KATNAL1: variants seen among roughly 807,000 people sequenced by gnomAD.
KATNAL1 encodes katanin p60 ATPase-containing subunit A-like 1.
Under a neutral mutation model 55.2 loss-of-function variants are expected in KATNAL1, and 32 were observed. The ratio of observed to expected loss-of-function variants is 0.58; its 90% CI spans 0.44 to 0.78. KATNAL1 has a LOEUF of 0.78. Among genes scored for constraint, KATNAL1 ranks in the 30% least tolerant of loss-of-function variants. KATNAL1 has a pLI of 0.00. For synonymous variants in KATNAL1, 193 were observed against 193.6 expected (o/e 1.00, Z 0.02); for missense variants, 466 against 600.9 (o/e 0.78, Z 2.35).
chr13:30,207,225 T>C lies in KATNAL1; in HGVS notation c.*1315A>G, dbSNP rs997458087. ...ATGAGACACATGTAATCATAAAAAC[T>C]AACGCCAGGATCATTTACTTGTGAT... On this transcript the variant is annotated 3_prime_UTR_variant, in exon 11 of 11. Transcript: ENST00000380615. The C allele has an allele frequency of 6.6e-6, 1 of 152,250 alleles. No homozygotes were observed. The highest frequency in any genetic ancestry group is 6.5e-5 in the Admixed American group (1 of 15,276). 9.4% of individuals were successfully genotyped at this position (152,250 alleles called of 1,614,324 possible). A position where few individuals can be genotyped will look rare whatever the true frequency, so the allele number is the denominator to read the frequency against.
chr13:30,256,797 G>A (rs922004915), intron 3 of KATNAL1, among the ~76,000 whole-genome samples: 5 of 152,080 alleles, frequency 3.3e-5, no homozygotes, highest in African/African-American at 1.2e-4. Flanking sequence ...CTAGAAGGCC[G>A]GCAAAAACCG....
chr13:30,259,665 G>T (rs765162788), intron 3 of KATNAL1, among the ~76,000 whole-genome samples: 26 of 152,164 alleles, frequency 1.7e-4, no homozygotes, highest in South Asian at 4.1e-4. Flanking sequence ...CTTTTCTGAC[G>T]GTCTTAAAAA....
At position 30,202,830 on chromosome 13, in the gene KATNAL1, A is replaced by G. The variant is rs1872810187; in HGVS notation, c.*5710T>C. 6.6e-6 allele frequency: 1 copy of G among 152,230 alleles called. No homozygotes were observed. The highest frequency in any genetic ancestry group is 1.9e-4 in the East Asian group (1 of 5,196). The allele number at this position is 152,230 out of a possible 1,614,324, so 9.4% of individuals were successfully genotyped here. A position where few individuals can be genotyped will look rare whatever the true frequency, so the allele number is the denominator to read the frequency against. On this transcript the variant is annotated 3_prime_UTR_variant, in exon 11 of 11. Transcript: ENST00000380615. ...AAACAAAAGTCTTAACAACGCACTT[A>G]CAAGCCATCATAACATGCAGTGATC...
chr13:30,251,268 C>T (rs925849609), intron 4 of KATNAL1, among the ~76,000 whole-genome samples: 5 of 150,966 alleles, frequency 3.3e-5, no homozygotes, highest in African/African-American at 1.2e-4. Flanking sequence ...AAAATCCTTT[C>T]GTTACTTCTA....
chr13:30,259,556 T>C lies in KATNAL1; in HGVS notation c.324-3941A>G, dbSNP rs537787439. ...GAAGCAGGGCAAGGCATTGCCTCAC[T>C]CGGGAAGAGCGAGGGGTCAGGGAGT... is the stretch of plus-strand genomic sequence containing the variant. On this transcript the variant is annotated intron_variant, in intron 3 of 10. Coordinates refer to ENST00000380615, the MANE Select transcript of KATNAL1 (RefSeq NM_032116.5). 3.0e-3 allele frequency among the ~76,000 whole-genome samples: 458 copies of C among 152,252 alleles called. 1 individual carries two copies. Among genetic ancestry groups the C allele is most frequent in the African/African-American group, 0.011 (442 of 41,554 alleles).
chr13:30,244,749 C>T (rs1877615698), intron 4 of KATNAL1, among the ~76,000 whole-genome samples: 1 of 152,004 alleles, frequency 6.6e-6, no homozygotes. Context: ...TACAAACTAC[C>T]ATCAGAGAAT....
chr13:30,258,162 C>T (rs1471269114), intron 3 of KATNAL1, among the ~76,000 whole-genome samples: 2 of 152,222 alleles, frequency 1.3e-5, no homozygotes, highest in Non-Finnish European at 2.9e-5. Context: ...TAGAGAATAA[C>T]TGGTTAGATC....
At chr13:30,251,792 C>T (rs1027001689) in intron 4 of KATNAL1, among the ~76,000 whole-genome samples, 1 of 152,176 alleles carries the variant, frequency 6.6e-6, no homozygotes, top group Non-Finnish European at 1.5e-5. Flanking sequence ...AGAAGTATTA[C>T]TGACACAAAT....
intron 9 of KATNAL1, among the ~76,000 whole-genome samples, chr13:30,221,310 G>A (rs564289378): frequency 6.6e-6 from 1 of 152,190 alleles, no homozygotes. Flanking sequence ...AAAGAAAACT[G>A]TTTGCATGTA....
chr13:30,205,497 TC>T lies in KATNAL1; in HGVS notation c.*3042del, dbSNP rs1329822607. ...AGGAATTAAAGGAGCCAAATATTTT[TC>T]CTTTGATAATGCATCTGCTACCGCA... On this transcript the variant is annotated 3_prime_UTR_variant, in exon 11 of 11. Coordinates refer to ENST00000380615, the MANE Select transcript of KATNAL1 (RefSeq NM_032116.5). 1 of 152,266 alleles carries T rather than the reference TC, an allele frequency of 6.6e-6. No individual in the cohort carries two copies. Among genetic ancestry groups the T allele is most frequent in the East Asian group, 1.9e-4 (1 of 5,208 alleles). The allele number at this position is 152,266 out of a possible 1,614,324, so 9.4% of individuals were successfully genotyped here.
intron 9 of KATNAL1, 24 bp from the exon 10 acceptor site, chr13:30,210,466 T>C: frequency 6.3e-7 from 1 of 1,581,850 alleles, no homozygotes; most frequent in Non-Finnish European, 8.6e-7. Context: ...TTGGTGGTGT[T>C]GTTAGATGTT....
intron 1 of KATNAL1, among the ~76,000 whole-genome samples, chr13:30,298,215 T>C (rs1882644369): frequency 6.6e-6 from 1 of 152,202 alleles, no homozygotes; most frequent in South Asian, 2.1e-4. Flanking sequence ...ACAGTATCTC[T>C]CAAGTATGCC....
intron 2 of KATNAL1, among the ~76,000 whole-genome samples, chr13:30,282,371 C>T (rs7330752): frequency 0.039 from 6,006 of 152,244 alleles, 163 homozygotes; most frequent in African/African-American, 0.064. Context: ...AGCACAGTGG[C>T]TCACACATGT....
rs890200577 is a variant in KATNAL1 at position 30,227,468 on chromosome 13, A to G, written c.1091T>C (p.Ile364Thr). ...TAACCTTCTTCGCAAAGCTTCATCA[A>G]TGTCCCACGGGAAATTAGTAGCAGC... ...VLAATNFPWDIDEALRRRLEK... is the reference protein window; with the variant it reads ...VLAATNFPWDTDEALRRRLEK... Residue 364 changes from isoleucine (I) to threonine (T), a missense_variant, in exon 9 of 11, where the codon ATT becomes ACT. Physicochemically the swap from Ile to Thr is moderately conservative, Grantham distance 89 (BLOSUM62 -1). Transcript: ENST00000380615. The G allele has an allele frequency of 1.9e-6, 3 of 1,613,954 alleles. No homozygotes were observed. Among genetic ancestry groups the G allele is most frequent in the Admixed American group, 1.7e-5 (1 of 60,022 alleles).
chr13:30,233,279 A>G (rs1343375620), intron 6 of KATNAL1, among the ~76,000 whole-genome samples: 2 of 152,204 alleles, frequency 1.3e-5, no homozygotes, highest in South Asian at 2.1e-4. Flanking sequence ...AAATAATCCA[A>G]TTTTAAAATG....
chr13:30,285,622 T>C lies in KATNAL1; in HGVS notation c.-14-1831A>G, dbSNP rs149863372. On this transcript the variant is annotated intron_variant, in intron 1 of 10. Coordinates refer to ENST00000380615, the MANE Select transcript of KATNAL1 (RefSeq NM_032116.5). Reference sequence around the variant, plus strand: ...TCACAGCAGTGTGAGAAAGGACTAATACAGTAGACTAGTACCAGGAGTGGT... The same window carrying C: ...TCACAGCAGTGTGAGAAAGGACTAACACAGTAGACTAGTACCAGGAGTGGT... Among the ~76,000 whole-genome samples, 47 of 152,338 alleles carry C rather than the reference T, an allele frequency of 3.1e-4. 2 individuals are homozygous for C. The East Asian group carries it at 8.7e-3, about 28-fold the overall frequency.
chr13:30,241,689 A>G (rs1298085734), intron 4 of KATNAL1, among the ~76,000 whole-genome samples: 1 of 152,196 alleles, frequency 6.6e-6, no homozygotes, highest in Admixed American at 6.5e-5. Context: ...TGCCTAGAGT[A>G]AAAACAAAAC....
At chr13:30,225,358 T>C (rs747865967) in intron 9 of KATNAL1, among the ~76,000 whole-genome samples, 26 of 152,034 alleles carry the variant, frequency 1.7e-4, no homozygotes, top group Non-Finnish European at 3.7e-4. Context: ...GCTTCCACAT[T>C]CACATTAGGT....
chr13:30,208,263 C>T lies in KATNAL1; in HGVS notation c.*277G>A, dbSNP rs906182878. 68 of 296,078 alleles carry T rather than the reference C, an allele frequency of 2.3e-4. No individual in the cohort carries two copies. In the East Asian group the frequency reaches 3.8e-3, roughly 17 times the overall value. 18.3% of individuals were successfully genotyped at this position (296,078 alleles called of 1,614,324 possible). On this transcript the variant is annotated 3_prime_UTR_variant, in exon 11 of 11. Transcript: ENST00000380615. ...TGTATTCCTAAAATATCACACTGCG[C>T]CCTTGCTTCAGCCTCCCTGATAGAC...
Sources: gnomAD v4.1 joint callset for allele counts (sites outside exome capture counted in the v4.1 genomes callset) on GRCh38, gnomAD v4.1.1 for gene constraint, MANE v1.5 for transcripts, NCBI Gene and HGNC (gene_info 2026-07-23, HGNC 2026-07-21) for gene names.